The following CRISPLD2 variants were observed in gnomAD, a reference collection of about 807,000 sequenced individuals.
The protein encoded by CRISPLD2 is cysteine rich secretory protein LCCL domain containing 2.
In CRISPLD2, 47 loss-of-function variants were observed where a neutral mutation model predicts 71.1. The observed-to-expected ratio is 0.66, with a 90% CI of 0.52 to 0.84. CRISPLD2 has a LOEUF of 0.84. Ranked by LOEUF, CRISPLD2 falls within the 40% of genes least tolerant of loss-of-function variation. CRISPLD2 has a pLI of 0.00. For missense variants in CRISPLD2, 830 were observed against 651.1 expected, an observed-to-expected ratio of 1.27 and a Z score of -2.99; for synonymous variants, 317 against 250.1, an observed-to-expected ratio of 1.27 and a Z score of -2.52.
intron 2 of CRISPLD2, among the ~76,000 whole-genome samples, chr16:84,840,639 T>C (rs1916745032): frequency 1.3e-5 from 2 of 152,150 alleles, no homozygotes; most frequent in South Asian, 2.1e-4. Context: ...CCTGAGTAGC[T>C]GGGATTACAG....
intron 2 of CRISPLD2, chr16:84,839,845 CG>C (rs1490851007): frequency 6.6e-6 from 1 of 152,080 alleles, no homozygotes; most frequent in Non-Finnish European, 1.5e-5. Context: ...CCAAGTTAGC[CG>C]GGCATGGTGG....
chr16:84,864,610 G>T (rs566689133), intron 6 of CRISPLD2, among the ~76,000 whole-genome samples: 1 of 152,316 alleles, frequency 6.6e-6, no homozygotes, highest in East Asian at 1.9e-4. Context: ...TTCCCTCTTT[G>T]AATGTCTTTA....
intron 13 of CRISPLD2, among the ~76,000 whole-genome samples, chr16:84,882,499 G>T (rs560004972): frequency 6.6e-6 from 1 of 152,180 alleles, no homozygotes; most frequent in Non-Finnish European, 1.5e-5. Context: ...CAACCTCCCA[G>T]GTTCAAGAGA....
intron 13 of CRISPLD2, among the ~76,000 whole-genome samples, chr16:84,888,990 C>T (rs770893891): frequency 6.6e-6 from 1 of 152,198 alleles, no homozygotes; most frequent in Non-Finnish European, 1.5e-5. Context: ...TTCCTAATTC[C>T]GTGCCTGGCA....
At position 84,901,733 on chromosome 16, in the gene CRISPLD2, C is replaced by T. The variant is rs148384380; in HGVS notation, c.1440-4855C>T. Reference sequence around the variant, plus strand: ...CCTCAAGTGATCCACCTGCCTCAACCTCTCAAAATGTTGGGATTATAGGCG... The same window carrying T: ...CCTCAAGTGATCCACCTGCCTCAACTTCTCAAAATGTTGGGATTATAGGCG... On this transcript the variant is annotated intron_variant, in intron 14 of 14. Coordinates refer to ENST00000262424, the MANE Select transcript of CRISPLD2 (RefSeq NM_031476.4). Among the ~76,000 whole-genome samples, 1,407 of 150,538 alleles carry T rather than the reference C, an allele frequency of 9.3e-3. 14 individuals carry two copies. The highest frequency in any genetic ancestry group is 0.036 in the South Asian group (170 of 4,776).
At chr16:84,832,876 T>C (rs1467235266) in intron 1 of CRISPLD2, among the ~76,000 whole-genome samples, 1 of 152,230 alleles carries the variant, frequency 6.6e-6, no homozygotes. Context: ...TTGAGTACGA[T>C]GGCGCCCAAG....
intron 1 of CRISPLD2, among the ~76,000 whole-genome samples, chr16:84,830,667 C>T (rs1399883734): frequency 6.6e-5 from 10 of 151,694 alleles, no homozygotes; most frequent in Non-Finnish European, 1.3e-4. Context: ...CATGCTATTG[C>T]ACTCTAGCCT....
intron 14 of CRISPLD2, among the ~76,000 whole-genome samples, chr16:84,896,099 C>T (rs192358466): frequency 1.2e-4 from 18 of 149,254 alleles, no homozygotes; most frequent in East Asian, 7.9e-4. Flanking sequence ...GATGCAGTGG[C>T]GCGATCTCCA....
chr16:84,860,342 A>G (rs183358628), intron 6 of CRISPLD2, among the ~76,000 whole-genome samples: 1 of 152,122 alleles, frequency 6.6e-6, no homozygotes, highest in African/African-American at 2.4e-5. Context: ...TCCCATGACT[A>G]TTCTCCAGAT....
At chr16:84,827,776 A>G (rs916606533) in intron 1 of CRISPLD2, among the ~76,000 whole-genome samples, 5 of 152,124 alleles carry the variant, frequency 3.3e-5, no homozygotes, top group Admixed American at 3.3e-4. Context: ...CATGTTGGCC[A>G]GGCTGGTCTC....
At chr16:84,841,329 A>C (rs569252108) in intron 2 of CRISPLD2, among the ~76,000 whole-genome samples, 1 of 152,234 alleles carries the variant, frequency 6.6e-6, no homozygotes, top group Non-Finnish European at 1.5e-5. Context: ...CCGCCTCGTG[A>C]GTCTCTTTCC....
chr16:84,875,031 A>C (rs1260992270), intron 11 of CRISPLD2, among the ~76,000 whole-genome samples: 1 of 152,128 alleles, frequency 6.6e-6, no homozygotes, highest in East Asian at 1.9e-4. Flanking sequence ...GCTTGAGCCC[A>C]GGAGTTTGAG....
intron 6 of CRISPLD2, among the ~76,000 whole-genome samples, chr16:84,863,988 GAGAGAA>G: frequency 7.6e-6 from 1 of 131,426 alleles, no homozygotes; most frequent in African/African-American, 3.0e-5. Flanking sequence ...AAGAAAGAGA[GAGAGAA>G]AAAAAAAGAA....
chr16:84,852,375 C>T (rs1442672747), intron 5 of CRISPLD2, among the ~76,000 whole-genome samples: 2 of 152,230 alleles, frequency 1.3e-5, no homozygotes, highest in Non-Finnish European at 2.9e-5. Flanking sequence ...AAGTGCCCAC[C>T]ATTCTAGCAT....
chr16:84,841,099 G>T (rs1423268824), intron 2 of CRISPLD2, among the ~76,000 whole-genome samples: 1 of 152,178 alleles, frequency 6.6e-6, no homozygotes, highest in Admixed American at 6.5e-5. Flanking sequence ...CCCGGAAGAG[G>T]CATGATTATG....
At chr16:84,868,044 C>T (rs1179850377) in intron 7 of CRISPLD2, among the ~76,000 whole-genome samples, 3 of 152,196 alleles carry the variant, frequency 2.0e-5, no homozygotes, top group South Asian at 2.1e-4. Flanking sequence ...CCGTTTGCCC[C>T]GCAAGCCTCA....
At chr16:84,873,897 T>A (rs771749837) in intron 10 of CRISPLD2, 23 bp from the exon 11 acceptor site, 5 of 1,287,904 alleles carry the variant, frequency 3.9e-6, no homozygotes, top group East Asian at 6.6e-5. Context: ...ATGCCCGTTT[T>A]TTTTTTTTTT....
chr16:84,866,808 T>G, intron 6 of CRISPLD2, 89 bp from the exon 7 acceptor site: 1 of 1,281,500 alleles, frequency 7.8e-7, no homozygotes, highest in Non-Finnish European at 1.1e-6. Flanking sequence ...CTCAAACACG[T>G]TTAGTTTTCA....
intron 1 of CRISPLD2, among the ~76,000 whole-genome samples, chr16:84,834,823 C>T (rs951542655): frequency 1.3e-5 from 2 of 152,082 alleles, no homozygotes; most frequent in Admixed American, 6.5e-5. Flanking sequence ...TCGTCCTCTG[C>T]GTGTCTCGGT....
Sources: gnomAD v4.1 joint callset for allele counts (sites outside exome capture counted in the v4.1 genomes callset) on GRCh38, gnomAD v4.1.1 for gene constraint, MANE v1.5 for transcripts, NCBI Gene and HGNC (gene_info 2026-07-23, HGNC 2026-07-21) for gene names.